The following B3GALNT2 variants were observed in gnomAD, a reference collection of about 807,000 sequenced individuals.
The protein encoded by B3GALNT2 is UDP-GalNAc:beta-1,3-N-acetylgalactosaminyltransferase 2.
A neutral mutation model predicts 61.1 loss-of-function variants in B3GALNT2; 53 were observed. That is an observed-to-expected ratio of 0.87 (90% CI 0.70 to 1.09). The LOEUF (loss-of-function observed/expected upper bound fraction) is 1.09, where lower values mean the gene tolerates loss of function less well. B3GALNT2 is among the 50% of genes least tolerant of loss of function. B3GALNT2 has a pLI of 0.00. For missense variants in B3GALNT2, 544 were observed against 623.0 expected (o/e 0.87, Z 1.35); for synonymous variants, 223 against 237.4 (o/e 0.94, Z 0.56).
Position 235,484,495 on chromosome 1 carries a change from C to T in B3GALNT2, c.382G>A (p.Ala128Thr). The T allele has an allele frequency of 6.2e-7, 1 of 1,613,958 alleles. No individual in the cohort carries two copies. Among genetic ancestry groups the T allele is most frequent in the Non-Finnish European group, 8.5e-7 (1 of 1,179,958 alleles). ...TNPVLNQEIE[A>T]FSLSEDTSSG... is the part of the protein sequence containing the mutation. ...GAAGTGTCTTCGGACAGACTGAACG[C>T]TTCAATTTCCTGATTCAAAACTAAG... The change falls in exon 4 of 12, where the codon GCG becomes ACG. Residue 128 changes from alanine to threonine, a missense_variant. Physicochemically the swap from Ala to Thr is moderately conservative, Grantham distance 58. Coordinates refer to ENST00000366600, the MANE Select transcript of B3GALNT2 (RefSeq NM_152490.5).
At chr1:235,476,043 T>C (rs1684261862) in intron 5 of B3GALNT2, among the ~76,000 whole-genome samples, 1 of 152,026 alleles carries the variant, frequency 6.6e-6, no homozygotes, top group Non-Finnish European at 1.5e-5. Flanking sequence ...GGTAATAAAA[T>C]CAAGTCTATT....
At chr1:235,459,714 C>T (rs926568930) in intron 7 of B3GALNT2, among the ~76,000 whole-genome samples, 4 of 152,186 alleles carry the variant, frequency 2.6e-5, no homozygotes, top group Non-Finnish European at 5.9e-5. Context: ...AGGGAAGTGG[C>T]ACCCCCTTTG....
At chr1:235,476,614 C>T (rs1307344340) in intron 5 of B3GALNT2, among the ~76,000 whole-genome samples, 1 of 152,008 alleles carries the variant, frequency 6.6e-6, no homozygotes, top group Non-Finnish European at 1.5e-5. Context: ...CTTTGGGAGG[C>T]CAAGGTAGGT....
intron 6 of B3GALNT2, 99 bp downstream of exon 6, chr1:235,470,751 G>C: frequency 6.7e-7 from 1 of 1,482,764 alleles, no homozygotes; most frequent in Non-Finnish European, 9.0e-7. Flanking sequence ...AAGAATCATT[G>C]CTCCATGCTG....
At chr1:235,484,625 A>G (rs746363699) in intron 3 of B3GALNT2, 110 bp from the exon 4 acceptor site, 213 of 1,394,484 alleles carry the variant, frequency 1.5e-4, no homozygotes, top group Non-Finnish European at 2.0e-4. Flanking sequence ...CATTTGCTAT[A>G]TAATTCACAA....
At chr1:235,489,012 T>G (rs1263932894) in intron 3 of B3GALNT2, among the ~76,000 whole-genome samples, 156 bp downstream of exon 3, 3 of 152,142 alleles carry the variant, frequency 2.0e-5, no homozygotes, top group Non-Finnish European at 4.4e-5. Flanking sequence ...ACTATGCCAC[T>G]GCACGCCAGC....
In B3GALNT2 at chr1:235,453,993, T is replaced by C. The variant is rs567585493; in HGVS notation, c.1311+163A>G. 1.5e-4 allele frequency among the ~76,000 whole-genome samples: 23 copies of C among 152,232 alleles called. No individual in the cohort carries two copies. In the South Asian group the frequency reaches 4.6e-3, roughly 30 times the overall value. On this transcript the variant is annotated intron_variant, in intron 10 of 11. Transcript: ENST00000366600. The stretch of plus-strand genomic sequence containing the variant: ...GTATACGTAGGTGGGAAATCCTTAA[T>C]TTTTTGTTTTTATTTTATTTTTTAT...
Position 235,501,566 on chromosome 1 carries a change from T to C in B3GALNT2, c.112+2575A>G, listed in dbSNP as rs535556108. Among the ~76,000 whole-genome samples, 30 of 152,360 alleles carry C rather than the reference T, an allele frequency of 2.0e-4. No homozygotes were observed. The East Asian group carries it at 4.6e-3, about 23-fold the overall frequency. Reference sequence around the variant, plus strand: ...TGTAAACTACATGAGGGCAGGAAGTTTAGCTTGATTACTGCTGTAATTCCA... The same window carrying C: ...TGTAAACTACATGAGGGCAGGAAGTCTAGCTTGATTACTGCTGTAATTCCA... On this transcript the variant is annotated intron_variant, in intron 1 of 11. Transcript: ENST00000366600.
chr1:235,483,724 T>C (rs946333567), intron 4 of B3GALNT2, among the ~76,000 whole-genome samples: 1 of 152,214 alleles, frequency 6.6e-6, no homozygotes, highest in African/African-American at 2.4e-5. Flanking sequence ...TTAGTGGCTA[T>C]AGGGTTTACT....
chr1:235,445,217 G>A (rs928790302), downstream of B3GALNT2, among the ~76,000 whole-genome samples: 2 of 152,054 alleles, frequency 1.3e-5, no homozygotes, highest in African/African-American at 4.8e-5. Context: ...TTTTTTATTT[G>A]CTTTTCTGTT....
chr1:235,491,660 T>C (rs1685077687), intron 2 of B3GALNT2, among the ~76,000 whole-genome samples: 1 of 152,142 alleles, frequency 6.6e-6, no homozygotes, highest in African/African-American at 2.4e-5. Context: ...CTACATTCAA[T>C]GACCTTATTC....
At chr1:235,466,036 TAAAA>T (rs1308094041) in intron 6 of B3GALNT2, among the ~76,000 whole-genome samples, 4 of 151,946 alleles carry the variant, frequency 2.6e-5, no homozygotes, top group Non-Finnish European at 5.9e-5. Context: ...CCCCACCACT[TAAAA>T]AAATATGTAT....
chr1:235,451,035 T>C (rs1048315541), intron 11 of B3GALNT2: 1 of 151,834 alleles, frequency 6.6e-6, no homozygotes, highest in Admixed American at 6.5e-5. Context: ...AACTCCGTGA[T>C]CAAAGAAGAA....
downstream of B3GALNT2, chr1:235,443,080 C>T (rs1199954341): frequency 1.5e-6 from 1 of 677,820 alleles, no homozygotes; most frequent in Admixed American, 2.8e-5. Flanking sequence ...TAATATCACT[C>T]CCCCATGCCC....
chr1:235,450,100 C>T lies in B3GALNT2; in HGVS notation c.*106G>A. On this transcript the variant is annotated 3_prime_UTR_variant, in exon 12 of 12. Coordinates refer to ENST00000366600, the MANE Select transcript of B3GALNT2 (RefSeq NM_152490.5). ...GGTGAAAGTGCCAGTCTGGAACTCT[C>T]TTGAAAGACCATACAGTCTACTGCT... 22 of 1,396,918 alleles carry T rather than the reference C, an allele frequency of 1.6e-5. No homozygotes were observed. The highest frequency in any genetic ancestry group is 2.1e-5 in the Non-Finnish European group (21 of 1,007,716). 86.5% of individuals were successfully genotyped at this position (1,396,918 alleles called of 1,614,324 possible).
At chr1:235,460,577 T>C (rs1683375124) in intron 7 of B3GALNT2, among the ~76,000 whole-genome samples, 1 of 151,520 alleles carries the variant, frequency 6.6e-6, no homozygotes, top group South Asian at 2.1e-4. Flanking sequence ...TTATTTCCTT[T>C]GTTTTTTTTT....
chr1:235,488,569 C>A (rs1448693846), intron 3 of B3GALNT2, among the ~76,000 whole-genome samples: 3 of 151,568 alleles, frequency 2.0e-5, no homozygotes, highest in Non-Finnish European at 4.4e-5. Context: ...GTAATCCCAT[C>A]TACTTAAGAG....
chr1:235,497,190 G>C (rs775719461), intron 1 of B3GALNT2, among the ~76,000 whole-genome samples: 1 of 152,134 alleles, frequency 6.6e-6, no homozygotes, highest in Admixed American at 6.5e-5. Context: ...TCTGAATTCA[G>C]AGACTAATTT....
chr1:235,484,117 T>C (rs1309993477), intron 4 of B3GALNT2, among the ~76,000 whole-genome samples: 1 of 152,174 alleles, frequency 6.6e-6, no homozygotes, highest in African/African-American at 2.4e-5. Flanking sequence ...CTTCTAGATA[T>C]AGCACATTTA....
Sources: allele counts gnomAD v4.1 joint callset (sites outside exome capture counted in the v4.1 genomes callset), GRCh38; gene constraint gnomAD v4.1.1; transcripts MANE v1.5; gene names NCBI Gene and HGNC (gene_info 2026-07-23, HGNC 2026-07-21).